The following ST8SIA4 variants were observed in gnomAD, a reference collection of about 807,000 sequenced individuals.
The protein encoded by ST8SIA4 is ST8 alpha-N-acetyl-neuraminide alpha-2,8-sialyltransferase 4.
ST8SIA4 carries 15 observed loss-of-function variants against 33.9 expected under a neutral mutation model. The observed-to-expected ratio is 0.44, with a 90% CI of 0.30 to 0.68. The LOEUF is 0.68. Ranked by LOEUF, ST8SIA4 falls within the 30% of genes least tolerant of loss-of-function variation. ST8SIA4 has a pLI of 0.10. For synonymous variants in ST8SIA4, 171 were observed against 151.2 expected (o/e 1.13, Z -0.96); for missense variants, 321 against 428.0 (o/e 0.75, Z 2.21).
At chr5:100,845,558 C>T (rs188126735) in intron 4 of ST8SIA4, among the ~76,000 whole-genome samples, 8 of 151,760 alleles carry the variant, frequency 5.3e-5, no homozygotes, top group Non-Finnish European at 1.0e-4. Context: ...AGGGAATTTC[C>T]GAGGTTACCT....
At chr5:100,902,668 C>A (rs986407103) in intron 1 of ST8SIA4, among the ~76,000 whole-genome samples, 175 bp downstream of exon 1, 2 of 152,202 alleles carry the variant, frequency 1.3e-5, no homozygotes, top group Admixed American at 6.5e-5. Flanking sequence ...CTGGGAACAG[C>A]TTAGAGAAGC....
intron 3 of ST8SIA4, among the ~76,000 whole-genome samples, chr5:100,859,991 A>T (rs1751900666): frequency 6.6e-6 from 1 of 152,008 alleles, no homozygotes; most frequent in Non-Finnish European, 1.5e-5. Context: ...AATCTATCCA[A>T]TTTTTTAATT....
intron 4 of ST8SIA4, among the ~76,000 whole-genome samples, chr5:100,822,898 G>A (rs1372683940): frequency 1.3e-5 from 2 of 152,126 alleles, no homozygotes; most frequent in Admixed American, 6.5e-5. Flanking sequence ...TTGGGAGACC[G>A]AGGCGGGCGG....
chr5:100,815,787 A>G (rs528028527), intron 4 of ST8SIA4, among the ~76,000 whole-genome samples: 4 of 152,308 alleles, frequency 2.6e-5, no homozygotes, highest in South Asian at 4.1e-4. Flanking sequence ...TGATATGTTT[A>G]TAAGTACTTG....
At chr5:100,856,686 T>A (rs564599004) in intron 3 of ST8SIA4, among the ~76,000 whole-genome samples, 2 of 152,300 alleles carry the variant, frequency 1.3e-5, no homozygotes, top group African/African-American at 4.8e-5. Flanking sequence ...AACCACACAA[T>A]TTGAATTTGT....
intron 4 of ST8SIA4, among the ~76,000 whole-genome samples, chr5:100,846,402 T>C (rs952062421): frequency 2.0e-5 from 3 of 152,028 alleles, no homozygotes; most frequent in African/African-American, 7.2e-5. Flanking sequence ...TTTATGCTTC[T>C]TATTAGTTAT....
chr5:100,867,167 T>C (rs1282228983), intron 3 of ST8SIA4, among the ~76,000 whole-genome samples: 1 of 152,138 alleles, frequency 6.6e-6, no homozygotes, highest in African/African-American at 2.4e-5. Flanking sequence ...TAATTTTTAT[T>C]TGCCTGAGGA....
At chr5:100,866,708 C>T (rs145965027) in intron 3 of ST8SIA4, among the ~76,000 whole-genome samples, 2 of 151,974 alleles carry the variant, frequency 1.3e-5, no homozygotes, top group East Asian at 3.9e-4. Flanking sequence ...ATCATATGTA[C>T]TTTACAGATG....
Position 100,872,809 on chromosome 5 carries a change from G to A in ST8SIA4, c.503+13534C>T, listed in dbSNP as rs1752224090. 2.7e-5 allele frequency among the ~76,000 whole-genome samples: 4 copies of A among 150,222 alleles called. 1 individual carries two copies. The South Asian group carries it at 8.4e-4, about 31-fold the overall frequency. ...TGAGAATTGACTAAACTGTCTAACT[G>A]TAATTTTGTACCTATTGACCAACCT... On this transcript the variant is annotated intron_variant, in intron 3 of 4. Coordinates refer to ENST00000231461, the MANE Select transcript of ST8SIA4 (RefSeq NM_005668.6).
At chr5:100,850,090 T>A (rs1176644915) in intron 4 of ST8SIA4, among the ~76,000 whole-genome samples, 4 of 152,110 alleles carry the variant, frequency 2.6e-5, no homozygotes, top group African/African-American at 9.7e-5. Flanking sequence ...GCCATTACTT[T>A]CAATGGCAAA....
At chr5:100,860,042 C>T (rs1751902295) in intron 3 of ST8SIA4, among the ~76,000 whole-genome samples, 1 of 152,014 alleles carries the variant, frequency 6.6e-6, no homozygotes, top group Non-Finnish European at 1.5e-5. Flanking sequence ...TGTATCTGTG[C>T]TAGGTATAGA....
intron 1 of ST8SIA4, 24 bp from the exon 2 acceptor site, chr5:100,895,809 C>G (rs1026985193): frequency 6.2e-7 from 1 of 1,609,972 alleles, no homozygotes. Context: ...AAATTGCCAG[C>G]TTTGTGAAAG....
At chr5:100,833,969 C>G (rs1751313020) in intron 4 of ST8SIA4, among the ~76,000 whole-genome samples, 1 of 151,996 alleles carries the variant, frequency 6.6e-6, no homozygotes, top group African/African-American at 2.4e-5. Context: ...TAGCAAAATG[C>G]CTGGCACCTA....
At chr5:100,826,959 T>C (rs1175562410) in intron 4 of ST8SIA4, among the ~76,000 whole-genome samples, 3 of 133,634 alleles carry the variant, frequency 2.2e-5, no homozygotes, top group African/African-American at 8.0e-5. Context: ...TGTGTGTGTA[T>C]ATACACACAC....
intron 4 of ST8SIA4, among the ~76,000 whole-genome samples, chr5:100,837,790 A>T (rs1260192622): frequency 6.9e-6 from 1 of 143,986 alleles, no homozygotes; most frequent in Non-Finnish European, 1.6e-5. Context: ...AATGTGGCCT[A>T]CTTTTTTGCA....
At chr5:100,899,106 A>G (rs1031198704) in intron 1 of ST8SIA4, among the ~76,000 whole-genome samples, 1 of 152,182 alleles carries the variant, frequency 6.6e-6, no homozygotes, top group African/African-American at 2.4e-5. Context: ...TCATGGTATT[A>G]GGTCTCAAAA....
intron 4 of ST8SIA4, among the ~76,000 whole-genome samples, chr5:100,829,708 G>T (rs935264099): frequency 1.3e-5 from 2 of 152,094 alleles, no homozygotes; most frequent in Admixed American, 1.3e-4. Flanking sequence ...AGGAGATCGA[G>T]ACCATCCTGG....
intron 4 of ST8SIA4, among the ~76,000 whole-genome samples, chr5:100,839,415 A>G (rs1184167257): frequency 6.6e-6 from 1 of 152,034 alleles, no homozygotes; most frequent in African/African-American, 2.4e-5. Flanking sequence ...GAAATGCTTC[A>G]GAACTCAGCT....
intron 3 of ST8SIA4, chr5:100,885,817 T>A (rs1335043312): frequency 1.1e-6 from 1 of 879,786 alleles, no homozygotes; most frequent in Non-Finnish European, 1.4e-6. Context: ...AAAATTCAAA[T>A]ATACTAACAT....
Sources: allele counts gnomAD v4.1 joint callset (sites outside exome capture counted in the v4.1 genomes callset), GRCh38; gene constraint gnomAD v4.1.1; transcripts MANE v1.5; gene names NCBI Gene and HGNC (gene_info 2026-07-23, HGNC 2026-07-21).